CLPTM1L: variants seen among roughly 807,000 people sequenced by gnomAD.
CLPTM1L encodes lipid scramblase CLPTM1L.
A neutral mutation model predicts 70.9 loss-of-function variants in CLPTM1L; 38 were observed. That is an observed-to-expected ratio of 0.54 (90% CI 0.41 to 0.70). The LOEUF is 0.70. Ranked by LOEUF, CLPTM1L falls within the 30% of genes least tolerant of loss-of-function variation. The probability of loss-of-function intolerance (pLI) is 0.00; values close to 1 mark genes in which losing one functional copy is unlikely to be tolerated. For missense variants in CLPTM1L, 652 were observed against 705.9 expected, an observed-to-expected ratio of 0.92 and a Z score of 0.87; for synonymous variants, 339 against 299.9, an observed-to-expected ratio of 1.13 and a Z score of -1.35.
intron 1 of CLPTM1L, 35 bp from the exon 2 acceptor site, chr5:1,344,486 C>G: frequency 6.4e-7 from 1 of 1,573,258 alleles, no homozygotes; most frequent in Non-Finnish European, 8.7e-7. Flanking sequence ...TCAGCTCGGC[C>G]AGGCCCTGGC....
rs914173100 is a variant in CLPTM1L at position 1,324,178 on chromosome 5, G to A, written c.1198-309C>T. On this transcript the variant is annotated intron_variant, in intron 11 of 16. Coordinates refer to ENST00000320895, the MANE Select transcript of CLPTM1L (RefSeq NM_030782.5). Reference sequence around the variant, plus strand: ...TCAATAAACATAATGGAAAGAAACCGGAAAAAACTGCCTACTAAGTAATGT... The same window carrying A: ...TCAATAAACATAATGGAAAGAAACCAGAAAAAACTGCCTACTAAGTAATGT... The A allele has an allele frequency of 1.6e-4, 66 of 421,152 alleles. 1 individual carries two copies. Among genetic ancestry groups the A allele is most frequent in the Non-Finnish European group, 4.2e-5 (10 of 237,462 alleles). The allele number at this position is 421,152 out of a possible 1,614,324, so 26.1% of individuals were successfully genotyped here.
chr5:1,318,247 G>T lies in CLPTM1L; in HGVS notation c.*122C>A. The T allele has an allele frequency of 1.3e-6, 1 of 754,526 alleles. No individual in the cohort carries two copies. 46.7% of individuals were successfully genotyped at this position (754,526 alleles called of 1,614,324 possible). On this transcript the variant is annotated 3_prime_UTR_variant, in exon 17 of 17. Coordinates refer to ENST00000320895, the MANE Select transcript of CLPTM1L (RefSeq NM_030782.5). The surrounding 1 kb of genome is among the most constrained non-coding windows in gnomAD (Gnocchi z 8.9). ...TGATGGGAACTTGGGAGATGTCTGA[G>T]AAATGTCCGAAGGGATTTTGGCAAC...
In CLPTM1L at chr5:1,344,660, C is replaced by T; in HGVS notation, c.162+20G>A. 6.5e-7 allele frequency: 1 copy of T among 1,545,952 alleles called. No homozygotes were observed. Among genetic ancestry groups the T allele is most frequent in the Non-Finnish European group, 8.7e-7 (1 of 1,144,884 alleles). On this transcript the variant is annotated intron_variant, in intron 1 of 16. Transcript: ENST00000320895. Reference sequence around the variant, plus strand: ...GCCCCCACCCCAACCCGCCCGGCCCCCGGCCCCGCGGACGCTCACCTGCAG... The same window carrying T: ...GCCCCCACCCCAACCCGCCCGGCCCTCGGCCCCGCGGACGCTCACCTGCAG...
In CLPTM1L at chr5:1,334,364, A is replaced by G. The variant is rs1157843075; in HGVS notation, c.816T>C (p.Ala272=). Residue 272 remains alanine, a synonymous_variant, in exon 7 of 17, where the codon GCT becomes GCC. Transcript: ENST00000320895. The part of the protein sequence containing the change: ...LQQFGFSEKD[A]DEVKGIFVDT... ...CTACAAAAATTCCTTTCACCTCATC[A>G]GCATCTTTCTCTGAAAACCCTGTCA... is the stretch of plus-strand genomic sequence containing the variant. The G allele has an allele frequency of 3.7e-6, 6 of 1,608,626 alleles. No homozygotes were observed. In the South Asian group the frequency reaches 4.4e-5, roughly 12 times the overall value.
At chr5:1,323,745 CA>C in intron 12 of CLPTM1L, 41 bp downstream of exon 12, 1 of 1,555,822 alleles carries the variant, frequency 6.4e-7, no homozygotes, top group Non-Finnish European at 8.9e-7. Flanking sequence ...ATGGCTTTCT[CA>C]GGGGAAAGAC....
At chr5:1,330,431 C>T (rs373065633) in intron 8 of CLPTM1L, 48 bp from the exon 9 acceptor site, 371 of 1,492,220 alleles carry the variant, frequency 2.5e-4, no homozygotes, top group Non-Finnish European at 3.3e-4. Flanking sequence ...GCAGACCCCA[C>T]CTGTGTTCCC....
Position 1,333,169 on chromosome 5 carries a change from G to A in CLPTM1L, c.891+1120C>T, listed in dbSNP as rs2455392. Among the ~76,000 whole-genome samples, 125 of 54,350 alleles carry A rather than the reference G, an allele frequency of 2.3e-3. 18 individuals are homozygous for A. Among genetic ancestry groups the A allele is most frequent in the African/African-American group, 5.6e-3 (39 of 7,004 alleles). 35.7% of individuals were successfully genotyped at this position (54,350 alleles called of 152,430 possible). On this transcript the variant is annotated intron_variant, in intron 7 of 16. Coordinates refer to ENST00000320895, the MANE Select transcript of CLPTM1L (RefSeq NM_030782.5). ...ATACACACCGGATGAGGATAAGGGG[G>A]GACTACTGTATACACACCGGATGAG...
At chr5:1,343,409 C>A (rs533622914) in intron 2 of CLPTM1L, among the ~76,000 whole-genome samples, 5 of 152,232 alleles carry the variant, frequency 3.3e-5, no homozygotes, top group African/African-American at 9.6e-5. Context: ...TTCCTCCAGG[C>A]TGACACTGTG....
intron 4 of CLPTM1L, among the ~76,000 whole-genome samples, chr5:1,338,494 G>A (rs988933033): frequency 6.6e-6 from 1 of 152,182 alleles, no homozygotes; most frequent in African/African-American, 2.4e-5. Context: ...TTTAACTGAT[G>A]GCAAGTGATA....
chr5:1,333,921 C>T (rs928338468), intron 7 of CLPTM1L, among the ~76,000 whole-genome samples: 6 of 152,244 alleles, frequency 3.9e-5, no homozygotes, highest in Admixed American at 3.9e-4. Flanking sequence ...GCCCCTGGCT[C>T]TGCATGGGGT....
rs1228155745 is a variant in CLPTM1L at position 1,344,445 on chromosome 5, C to A, written c.169G>T (p.Val57Leu). The A allele has an allele frequency of 1.2e-6, 2 of 1,613,262 alleles. No homozygotes were observed. Among genetic ancestry groups the A allele is most frequent in the Non-Finnish European group, 1.7e-6 (2 of 1,179,586 alleles). Residue 57 changes from valine to leucine, a missense_variant, in exon 2 of 17, where the codon GTG becomes TTG. By Grantham distance (32) the Val-to-Leu change is conservative. Around this residue, in one of 3 missense-constraint regions of CLPTM1L, gnomAD observed 402 missense variants for 388.2 expected, o/e 1.04. Coordinates refer to ENST00000320895, the MANE Select transcript of CLPTM1L (RefSeq NM_030782.5). Reference protein sequence around the residue: ...LARRPKLQLSVYTTTRSHLGA... With the variant: ...LARRPKLQLSLYTTTRSHLGA... ...AGGTGGGACCTCGTCGTGGTGTACA[C>A]GCTCAGCTGGAAAGGAGGGGGCGTC...
chr5:1,328,469 C>T (rs1364347404), intron 9 of CLPTM1L, among the ~76,000 whole-genome samples: 2 of 149,052 alleles, frequency 1.3e-5, no homozygotes, highest in African/African-American at 5.0e-5. Flanking sequence ...TCCTCCTCTG[C>T]AGACACATTC....
chr5:1,327,572 G>GACATTCCATCCAGCTCCTCCTCTACAGGC (rs1752694349), intron 9 of CLPTM1L, among the ~76,000 whole-genome samples: 1 of 96,078 alleles, frequency 1.0e-5, no homozygotes. Context: ...GCTCTACAGG[G>GACATTCCATCCAGCTCCTCCTCTACAGGC]ACATTCCATC....
At chr5:1,344,619 G>A in intron 1 of CLPTM1L, 61 bp downstream of exon 1, 2 of 1,516,854 alleles carry the variant, frequency 1.3e-6, no homozygotes, top group South Asian at 2.4e-5. Flanking sequence ...GGCGACGTCT[G>A]GGGCCTGGAG....
chr5:1,342,781 G>A lies in CLPTM1L; in HGVS notation c.264-921C>T, dbSNP rs1324764400. On this transcript the variant is annotated intron_variant, in intron 2 of 16. Transcript: ENST00000320895. This position sits in a 1 kb window ranked among gnomAD's most constrained non-coding sequence, Gnocchi z 4.3. ...CTTTGAAAACTGTTGTAGAGATGGG[G>A]TTTTGTCACATTGCCTAGGCTGGTC... Among the ~76,000 whole-genome samples the A allele has an allele frequency of 6.6e-6, 1 of 152,224 alleles. No homozygotes were observed. The highest frequency in any genetic ancestry group is 2.4e-5 in the African/African-American group (1 of 41,464).
rs1579625714 is a variant in CLPTM1L, at chr5:1,326,078, C to G, written c.1081-262G>C. The G allele has an allele frequency of 2.0e-5, 10 of 492,508 alleles. No individual in the cohort carries two copies. In the East Asian group the frequency reaches 3.2e-4, roughly 16 times the overall value. 30.5% of individuals were successfully genotyped at this position (492,508 alleles called of 1,614,324 possible). ...ACAAAAACAGCATGTGAGGGCAGTT[C>G]TTTACGCCACTCTGCCTGCACCCAA... On this transcript the variant is annotated intron_variant, in intron 9 of 16. Transcript: ENST00000320895.
chr5:1,331,628 G>T (rs528007524), intron 8 of CLPTM1L, 171 bp downstream of exon 8: 1 of 620,986 alleles, frequency 1.6e-6, no homozygotes, highest in South Asian at 1.9e-5. Context: ...CACAATTGCC[G>T]CAACGGCTCC....
chr5:1,327,192 A>C (rs1342864329), intron 9 of CLPTM1L, among the ~76,000 whole-genome samples: 725 of 138,088 alleles, frequency 5.3e-3, no homozygotes, highest in African/African-American at 0.016. Flanking sequence ...CCTCCTCTAC[A>C]GACACATTCC....
intron 10 of CLPTM1L, chr5:1,325,500 C>A: frequency 1.9e-6 from 1 of 531,958 alleles, no homozygotes; most frequent in Non-Finnish European, 3.3e-6. Flanking sequence ...ATCCTTCCTC[C>A]CAGAGGCCGG....
Sources: gnomAD v4.1 joint callset for allele counts (sites outside exome capture counted in the v4.1 genomes callset) on GRCh38, gnomAD v4.1.1 for gene constraint, gnomAD v4.1.1 regional missense constraint, Gnocchi (gnomAD v3.1) non-coding constraint, MANE v1.5 for transcripts, NCBI Gene and HGNC (gene_info 2026-07-23, HGNC 2026-07-21) for gene names.